PCDHGA3: variants seen among roughly 807,000 people sequenced by gnomAD.
PCDHGA3 encodes the protein protocadherin gamma subfamily A, 3.
PCDHGA3 carries 40 observed loss-of-function variants against 58.5 expected under a neutral mutation model. The ratio of observed to expected loss-of-function variants is 0.68; its 90% CI spans 0.53 to 0.89. The LOEUF (loss-of-function observed/expected upper bound fraction) is 0.89, where lower values mean the gene tolerates loss of function less well. PCDHGA3 is among the 40% of genes least tolerant of loss of function. The pLI is 0.00. For missense variants in PCDHGA3, 1,223 were observed against 1,195.9 expected, an observed-to-expected ratio of 1.02 and a Z score of -0.33; for synonymous variants, 530 against 525.7, an observed-to-expected ratio of 1.01 and a Z score of -0.11.
chr5:141,478,097 A>G lies in PCDHGA3; in HGVS notation c.2425-16710A>G, dbSNP rs757796085. Reference sequence around the variant, plus strand: ...GGAGCCTTCGCTCTCCACCACTGCTACCCTCACTGTGTCAGTAACCGAGGA... The same window carrying G: ...GGAGCCTTCGCTCTCCACCACTGCTGCCCTCACTGTGTCAGTAACCGAGGA... On this transcript the variant is annotated intron_variant, in intron 1 of 3. Transcript: ENST00000253812. 9.9e-6 allele frequency: 16 copies of G among 1,613,666 alleles called. No homozygotes were observed. Among genetic ancestry groups the G allele is most frequent in the Admixed American group, 1.7e-5 (1 of 59,970 alleles).
At chr5:141,451,154 TTTTTGGTAGTATA>T (rs2098709149) in intron 1 of PCDHGA3, among the ~76,000 whole-genome samples, 1 of 152,152 alleles carries the variant, frequency 6.6e-6, no homozygotes, top group Non-Finnish European at 1.5e-5. Flanking sequence ...ACTAGACATT[TTTTTGGTAGTATA>T]TTATTTAGCC....
chr5:141,422,508 C>T (rs2096653251), intron 1 of PCDHGA3: 1 of 1,613,984 alleles, frequency 6.2e-7, no homozygotes, highest in Non-Finnish European at 8.5e-7. Flanking sequence ...CAGCCACAGA[C>T]CAGGGAAGCC....
At chr5:141,389,140 C>T in intron 1 of PCDHGA3, 3 of 1,613,996 alleles carry the variant, frequency 1.9e-6, no homozygotes, top group Non-Finnish European at 2.5e-6. Context: ...TACAATATAA[C>T]CGTTACGGCA....
intron 1 of PCDHGA3, among the ~76,000 whole-genome samples, chr5:141,397,282 T>A (rs2150702726): frequency 6.6e-6 from 1 of 152,350 alleles, no homozygotes; most frequent in South Asian, 2.1e-4. Context: ...ATGGGCAGTA[T>A]ACTTGAATGA....
At chr5:141,361,471 A>C (rs748732304) in intron 1 of PCDHGA3, 2 of 1,613,988 alleles carry the variant, frequency 1.2e-6, no homozygotes, top group South Asian at 2.2e-5. Flanking sequence ...CTCCGACGTC[A>C]ACGATAATGC....
intron 1 of PCDHGA3, among the ~76,000 whole-genome samples, chr5:141,358,666 A>C (rs938947176): frequency 6.6e-6 from 1 of 152,134 alleles, no homozygotes; most frequent in Non-Finnish European, 1.5e-5. Context: ...AACTTTAATA[A>C]TTTTTAAATT....
intron 1 of PCDHGA3, among the ~76,000 whole-genome samples, chr5:141,461,805 C>T (rs773854105): frequency 4.6e-5 from 7 of 151,854 alleles, no homozygotes; most frequent in Non-Finnish European, 8.8e-5. Flanking sequence ...AGGTGCCCAC[C>T]ACCACACCCA....
intron 1 of PCDHGA3, chr5:141,417,490 T>C (rs1296739869): frequency 4.7e-6 from 1 of 210,618 alleles, no homozygotes; most frequent in Non-Finnish European, 9.3e-6. Context: ...AAGGAATCAC[T>C]GAGGAAAAAG....
At chr5:141,433,546 T>C (rs1317735935) in intron 1 of PCDHGA3, among the ~76,000 whole-genome samples, 1 of 152,090 alleles carries the variant, frequency 6.6e-6, no homozygotes, top group Non-Finnish European at 1.5e-5. Context: ...TATCAGATAT[T>C]CTTTTCTGGC....
At chr5:141,351,273 A>G (rs550144206) in intron 1 of PCDHGA3, 1 of 1,613,940 alleles carries the variant, frequency 6.2e-7, no homozygotes, top group Non-Finnish European at 8.5e-7. Flanking sequence ...GACGAGAATG[A>G]CAATGCCCCA....
chr5:141,394,980 C>T, intron 1 of PCDHGA3: 2 of 1,614,012 alleles, frequency 1.2e-6, no homozygotes, highest in Non-Finnish European at 1.7e-6. Flanking sequence ...GCACAAGTCA[C>T]GCCTGCTCCA....
At chr5:141,366,325 C>G (rs1401034838) in intron 1 of PCDHGA3, 1 of 1,613,826 alleles carries the variant, frequency 6.2e-7, no homozygotes, top group East Asian at 2.2e-5. Flanking sequence ...TTGCCGTGGC[C>G]GACAGGATCC....
chr5:141,384,850 C>A, intron 1 of PCDHGA3: 1 of 1,613,646 alleles, frequency 6.2e-7, no homozygotes, highest in African/African-American at 1.3e-5. Context: ...GGACCACGGT[C>A]AGCCTCCTCT....
intron 1 of PCDHGA3, chr5:141,372,687 T>G: frequency 6.2e-7 from 1 of 1,614,018 alleles, no homozygotes. Flanking sequence ...AAACACCGAG[T>G]TTAAATTTCT....
rs1161979451 is a variant in PCDHGA3 at position 141,355,725 on chromosome 5, C to A, written c.2424+9268C>A. ...TGCAGGGTTACCAGCTCAACTCAAA[C>A]GGTTACTTTTCCCTGGACGTGCAAA... On this transcript the variant is annotated intron_variant, in intron 1 of 3. Transcript: ENST00000253812. The A allele has an allele frequency of 6.2e-7, 1 of 1,613,896 alleles. No individual in the cohort carries two copies. Among genetic ancestry groups the A allele is most frequent in the Non-Finnish European group, 8.5e-7 (1 of 1,179,892 alleles).
Position 141,395,397 on chromosome 5 carries a change from A to G in PCDHGA3, c.2424+48940A>G. ...GGTGTTACTATAAAATTGAACTCTAATAGTCATAGGTTATTGTTTCATTTG... is the reference window on the plus strand; with the variant it reads ...GGTGTTACTATAAAATTGAACTCTAGTAGTCATAGGTTATTGTTTCATTTG... On this transcript the variant is annotated intron_variant, in intron 1 of 3. Coordinates refer to ENST00000253812, the MANE Select transcript of PCDHGA3 (RefSeq NM_018916.4). The G allele has an allele frequency of 7.8e-6, 7 of 895,314 alleles. No individual in the cohort carries two copies. The South Asian group carries it at 9.5e-5, about 12-fold the overall frequency. 55.5% of individuals were successfully genotyped at this position (895,314 alleles called of 1,614,324 possible). A position where few individuals can be genotyped will look rare whatever the true frequency, so the allele number is the denominator to read the frequency against.
At chr5:141,388,622 A>G (rs754411917) in intron 1 of PCDHGA3, 3 of 1,613,952 alleles carry the variant, frequency 1.9e-6, no homozygotes, top group South Asian at 1.1e-5. Flanking sequence ...GTCAAGACGT[A>G]TACAGGGTGA....
intron 1 of PCDHGA3, among the ~76,000 whole-genome samples, chr5:141,483,630 G>A (rs2099583876): frequency 6.7e-6 from 1 of 149,714 alleles, no homozygotes; most frequent in African/African-American, 2.5e-5. Flanking sequence ...ATGGGAGAAG[G>A]TATAGAGGGG....
intron 1 of PCDHGA3, chr5:141,479,537 T>C (rs1299169562): frequency 6.6e-6 from 1 of 152,230 alleles, no homozygotes; most frequent in Non-Finnish European, 1.5e-5. Context: ...GTGGAGAAGG[T>C]CAAAACTGCT....
Sources: allele counts gnomAD v4.1 joint callset (sites outside exome capture counted in the v4.1 genomes callset), GRCh38; gene constraint gnomAD v4.1.1; transcripts MANE v1.5; gene names NCBI Gene and HGNC (gene_info 2026-07-23, HGNC 2026-07-21).